The following ZNF623 variants were observed in gnomAD, a reference collection of about 807,000 sequenced individuals.
ZNF623 encodes zinc finger protein 623.
In ZNF623, 16 loss-of-function variants were observed where a neutral mutation model predicts 24.0. The observed-to-expected ratio is 0.67, with a 90% CI of 0.45 to 1.01. The LOEUF is 1.01. Among genes scored for constraint, ZNF623 ranks in the 50% least tolerant of loss-of-function variants. The pLI is 0.00. For synonymous variants in ZNF623, 224 were observed against 219.8 expected, an observed-to-expected ratio of 1.02 and a Z score of -0.17; for missense variants, 566 against 606.5, an observed-to-expected ratio of 0.93 and a Z score of 0.70.
intron 1 of ZNF623, among the ~76,000 whole-genome samples, chr8:143,638,065 G>GT (rs1465487133): frequency 8.5e-5 from 13 of 152,262 alleles, no homozygotes; most frequent in Admixed American, 4.6e-4. Context: ...TGAGATAACT[G>GT]TTTCTTCAAA....
intron 1 of ZNF623, among the ~76,000 whole-genome samples, chr8:143,640,202 G>C (rs999687082): frequency 6.6e-6 from 1 of 152,214 alleles, no homozygotes; most frequent in African/African-American, 2.4e-5. Context: ...TTACTATTCA[G>C]TATGCAATAG....
At position 143,652,292 on chromosome 8, in the gene ZNF623, T is replaced by C. The variant is rs1192658936; in HGVS notation, c.*809T>C. 4 of 167,118 alleles carry C rather than the reference T, an allele frequency of 2.4e-5. No individual in the cohort carries two copies. Among genetic ancestry groups the C allele is most frequent in the African/African-American group, 7.2e-5 (3 of 41,452 alleles). 10.4% of individuals were successfully genotyped at this position (167,118 alleles called of 1,614,324 possible). On this transcript the variant is annotated 3_prime_UTR_variant, in exon 2 of 2. Transcript: ENST00000526926. ...TAGACTATCTCTGTCACTATGCTGT[T>C]GGGTTCCTGAGGACAGTGATCATAT... is the stretch of plus-strand genomic sequence containing the variant.
intron 1 of ZNF623, among the ~76,000 whole-genome samples, chr8:143,638,340 T>A (rs377720341): frequency 1.0e-4 from 14 of 136,908 alleles, no homozygotes; most frequent in East Asian, 2.1e-4. Context: ...GATTCCGTCT[T>A]AAAAAAAAAA....
At chr8:143,639,797 T>C (rs911397420) in intron 1 of ZNF623, among the ~76,000 whole-genome samples, 29 of 152,344 alleles carry the variant, frequency 1.9e-4, no homozygotes, top group Admixed American at 1.7e-3. Flanking sequence ...TCTTATTCTC[T>C]CTTAAAGGTA....
chr8:143,639,679 A>C (rs768484240), intron 1 of ZNF623, among the ~76,000 whole-genome samples: 3 of 152,222 alleles, frequency 2.0e-5, no homozygotes, highest in Non-Finnish European at 2.9e-5. Flanking sequence ...CATCATGGGG[A>C]GAATTGAATC....
At position 143,644,553 on chromosome 8, in the gene ZNF623, A is replaced by G. The variant is rs192257769; in HGVS notation, c.-95-5345A>G. Among the ~76,000 whole-genome samples the G allele has an allele frequency of 3.9e-5, 6 of 152,316 alleles. No homozygotes were observed. In the East Asian group the frequency reaches 9.6e-4, roughly 24 times the overall value. ...TCAGCCTTCTCATCCTGAGAGCCAC[A>G]TTAATGGGTCCTCAGTGCATAAGCA... On this transcript the variant is annotated intron_variant, in intron 1 of 1. Transcript: ENST00000526926.
At position 143,650,431 on chromosome 8, in the gene ZNF623, G is replaced by A; in HGVS notation, c.439G>A (p.Asp147Asn). 6.2e-7 allele frequency: 1 copy of A among 1,614,148 alleles called. No individual in the cohort carries two copies. Among genetic ancestry groups the A allele is most frequent in the Non-Finnish European group, 8.5e-7 (1 of 1,180,038 alleles). Residue 147 changes from aspartate to asparagine, a missense_variant, in exon 2 of 2, where the codon GAC (aspartate) becomes AAC (asparagine). Transcript: ENST00000526926. The surrounding 1 kb of genome is among the most constrained non-coding windows in gnomAD (Gnocchi z 5.2). ...RLYVCNVCGK[D>N]FIHYSGLIEH... ...CTACGTCTGTAATGTGTGTGGGAAAGACTTCATTCACTATTCAGGTCTCAT... is the reference window on the plus strand; with the variant it reads ...CTACGTCTGTAATGTGTGTGGGAAAAACTTCATTCACTATTCAGGTCTCAT...
chr8:143,646,816 C>T (rs527864234), intron 1 of ZNF623, among the ~76,000 whole-genome samples: 1 of 152,158 alleles, frequency 6.6e-6, no homozygotes, highest in Non-Finnish European at 1.5e-5. Context: ...AGGTGTGCTA[C>T]CTTGCCTGGC....
Position 143,648,021 on chromosome 8 carries a change from C to T in ZNF623, c.-95-1877C>T, listed in dbSNP as rs181562424. Among the ~76,000 whole-genome samples, 11 of 152,218 alleles carry T rather than the reference C, an allele frequency of 7.2e-5. No individual in the cohort carries two copies. The East Asian group carries it at 7.7e-4, about 11-fold the overall frequency. On this transcript the variant is annotated intron_variant, in intron 1 of 1. Transcript: ENST00000526926. Reference sequence around the variant, plus strand: ...GAGGAAAATCAGAAGTGAGGCTGGACGCATTAGGGTTGAAAAACTTCTGAG... The same window carrying T: ...GAGGAAAATCAGAAGTGAGGCTGGATGCATTAGGGTTGAAAAACTTCTGAG...
In ZNF623 at chr8:143,652,737, C is replaced by T. The variant is rs936624321; in HGVS notation, c.*1254C>T. On this transcript the variant is annotated 3_prime_UTR_variant, in exon 2 of 2. Transcript: ENST00000526926. ...ATCTTTCTGTCTCACTCGAAAGGCA[C>T]AGTCTCAATGCGCTACGTAACTCTT... is the stretch of plus-strand genomic sequence containing the variant. 6.0e-6 allele frequency: 1 copy of T among 167,112 alleles called. No individual in the cohort carries two copies. Among genetic ancestry groups the T allele is most frequent in the Non-Finnish European group, 1.5e-5 (1 of 68,126 alleles). 10.4% of individuals were successfully genotyped at this position (167,112 alleles called of 1,614,324 possible).
At chr8:143,643,690 C>T (rs140447096) in intron 1 of ZNF623, among the ~76,000 whole-genome samples, 7 of 152,348 alleles carry the variant, frequency 4.6e-5, no homozygotes, top group East Asian at 1.9e-4. Flanking sequence ...ATCCTTCCAC[C>T]AGGGATTGGC....
chr8:143,649,954 GA>G lies in ZNF623; in HGVS notation c.-35del. 6.2e-7 allele frequency: 1 copy of G among 1,614,064 alleles called. No homozygotes were observed. The highest frequency in any genetic ancestry group is 8.5e-7 in the Non-Finnish European group (1 of 1,179,890). On this transcript the variant is annotated 5_prime_UTR_variant, in exon 2 of 2. It introduces an in-frame stop codon into an upstream open reading frame of the 5' UTR. Transcript: ENST00000526926. The stretch of plus-strand genomic sequence containing the variant: ...GACTGAAGCCTGGATTTCTGAGGAT[GA>G]AAACTCACATAGGACGACGTCAGAC...
At chr8:143,641,959 G>A (rs1815063828) in intron 1 of ZNF623, among the ~76,000 whole-genome samples, 1 of 152,156 alleles carries the variant, frequency 6.6e-6, no homozygotes, top group Admixed American at 6.5e-5. Context: ...ATGACCATTG[G>A]CTTCACGTCA....
intron 1 of ZNF623, among the ~76,000 whole-genome samples, chr8:143,637,189 C>T (rs1195833687): frequency 6.6e-6 from 1 of 152,232 alleles, no homozygotes; most frequent in Non-Finnish European, 1.5e-5. Context: ...GCACTAGGAA[C>T]AGAAGCGCTC....
At chr8:143,647,104 A>G (rs1026707967) in intron 1 of ZNF623, among the ~76,000 whole-genome samples, 13 of 151,946 alleles carry the variant, frequency 8.6e-5, no homozygotes, top group South Asian at 2.1e-4. Flanking sequence ...CAGAGAAAGC[A>G]GAGGCAGGAG....
In ZNF623 at chr8:143,651,213, T is replaced by G. The variant is rs1234903566; in HGVS notation, c.1221T>G (p.Leu407=). 3.7e-6 allele frequency: 6 copies of G among 1,614,176 alleles called. No individual in the cohort carries two copies. Among genetic ancestry groups the G allele is most frequent in the Non-Finnish European group, 5.1e-6 (6 of 1,180,034 alleles). ...GKAFIQSSKL[L]LHQIIHTGEK... ...CCTTCATCCAGAGCTCCAAGCTGCT[T>G]CTGCACCAGATTATTCACACTGGAG... Residue 407 remains leucine (L), a synonymous_variant, in exon 2 of 2, where the codon CTT becomes CTG. Transcript: ENST00000526926.
chr8:143,651,077 T>C lies in ZNF623; in HGVS notation c.1085T>C (p.Val362Ala), dbSNP rs767747935. The change falls in exon 2 of 2, where the codon GTG becomes GCG. Residue 362 changes from valine (V) to alanine (A), a missense_variant. Val to Ala is a moderately conservative substitution (Grantham distance 64). Transcript: ENST00000526926. ...RHQKIHTGERVYECKECGKAF... is the reference protein window; with the variant it reads ...RHQKIHTGERAYECKECGKAF... ...CAGAAAATCCACACTGGAGAGAGAG[T>C]GTATGAATGTAAGGAATGTGGGAAA... 9.3e-6 allele frequency: 15 copies of C among 1,613,634 alleles called. No homozygotes were observed. The highest frequency in any genetic ancestry group is 1.3e-5 in the African/African-American group (1 of 74,768).
chr8:143,651,175 G>A lies in ZNF623; in HGVS notation c.1183G>A (p.Asp395Asn), dbSNP rs1455074570. 6.2e-7 allele frequency: 1 copy of A among 1,614,202 alleles called. No homozygotes were observed. Among genetic ancestry groups the A allele is most frequent in the Non-Finnish European group, 8.5e-7 (1 of 1,180,038 alleles). The change falls in exon 2 of 2, where the codon GAC becomes AAC. Residue 395 changes from aspartate (D) to asparagine (N), a missense_variant. This residue lies in a region of ZNF623 where 136 missense variants were observed against 131.9 expected (regional missense o/e 1.03). Transcript: ENST00000526926. Reference sequence around the variant, plus strand: ...TGGGGACAGGCCCTTCGAATGTAAAGACTGTGGGAAAGCCTTCATCCAGAG... The same window carrying A: ...TGGGGACAGGCCCTTCGAATGTAAAAACTGTGGGAAAGCCTTCATCCAGAG... ...HSGDRPFECK[D>N]CGKAFIQSSK...
rs908413176 is a variant in ZNF623, at chr8:143,636,156, C to G, written c.-96+11C>G. 9.9e-5 allele frequency: 15 copies of G among 152,172 alleles called. No homozygotes were observed. Among genetic ancestry groups the G allele is most frequent in the South Asian group, 2.1e-4 (1 of 4,828 alleles). 9.4% of individuals were successfully genotyped at this position (152,172 alleles called of 1,614,324 possible). On this transcript the variant is annotated intron_variant, in intron 1 of 1. Coordinates refer to ENST00000526926, the MANE Select transcript of ZNF623 (RefSeq NM_001261843.2). ...CCCCGCCCGCGCCGGGTGAGTGGCG[C>G]GTTCCGGACGGGGGCGGGCAACGCC...
Sources: gnomAD v4.1 joint callset for allele counts (sites outside exome capture counted in the v4.1 genomes callset) on GRCh38, gnomAD v4.1.1 for gene constraint, gnomAD v4.1.1 regional missense constraint, Gnocchi (gnomAD v3.1) non-coding constraint, MANE v1.5 for transcripts, NCBI Gene and HGNC (gene_info 2026-07-23, HGNC 2026-07-21) for gene names.